Variants in PIEZO2 observed in about 807,000 individuals in gnomAD.
The protein encoded by PIEZO2 is piezo-type mechanosensitive ion channel component 2.
A neutral mutation model predicts 337.3 loss-of-function variants in PIEZO2; 172 were observed. The ratio of observed to expected loss-of-function variants is 0.51; its 90% confidence interval spans 0.45 to 0.58. The LOEUF (loss-of-function observed/expected upper bound fraction) is 0.58. Ranked by LOEUF, PIEZO2 falls within the 20% of genes least tolerant of loss-of-function variation. PIEZO2 has a pLI of 0.00. For missense variants in PIEZO2, 3,028 were observed against 3,391.3 expected (o/e 0.89, Z 2.66); for synonymous variants, 1,251 against 1,228.5 (o/e 1.02, Z -0.38).
Position 10,726,902 on chromosome 18 carries a change from TG to T in PIEZO2, c.5029+4504del. On this transcript the variant is annotated intron_variant, in intron 36 of 55. Coordinates refer to ENST00000674853, the MANE Select transcript of PIEZO2 (RefSeq NM_001378183.1). This position sits in a 1 kb window ranked among gnomAD's most constrained non-coding sequence, Gnocchi z 5.9. ...AAGCACATCATGGCCACCAACCGGC[TG>T]GATGTGGCGGAGCTGGGTCGCCTGC... 2.5e-6 allele frequency: 4 copies of T among 1,587,996 alleles called. No individual in the cohort carries two copies. The South Asian group carries it at 4.6e-5, about 18-fold the overall frequency.
At chr18:10,892,011 T>C (rs2042771853) in intron 4 of PIEZO2, among the ~76,000 whole-genome samples, 1 of 152,134 alleles carries the variant, frequency 6.6e-6, no homozygotes, top group African/African-American at 2.4e-5. Flanking sequence ...TAATGCAGGA[T>C]TGATAGGCAG....
At position 10,847,909 on chromosome 18, in the gene PIEZO2, G is replaced by T. The variant is rs573188905; in HGVS notation, c.917+7444C>A. The stretch of plus-strand genomic sequence containing the variant: ...TGAAGGGAAAGTGGTAGCTTGGTTG[G>T]GTTCATTTGCATTCCTTAGCATTAT... On this transcript the variant is annotated intron_variant, in intron 7 of 55. Coordinates refer to ENST00000674853, the MANE Select transcript of PIEZO2 (RefSeq NM_001378183.1). The surrounding 1 kb of genome is among the most constrained non-coding windows in gnomAD (Gnocchi z 5.7). Among the ~76,000 whole-genome samples, 2 of 152,244 alleles carry T rather than the reference G, an allele frequency of 1.3e-5. No homozygotes were observed. The highest frequency in any genetic ancestry group is 3.9e-4 in the East Asian group (2 of 5,178).
intron 17 of PIEZO2, among the ~76,000 whole-genome samples, chr18:10,780,804 AG>A (rs1347732126): frequency 1.3e-5 from 2 of 151,442 alleles, no homozygotes; most frequent in Non-Finnish European, 2.9e-5. Flanking sequence ...CTGGGATTAC[AG>A]GTGTATGCCA....
At position 10,861,145 on chromosome 18, in the gene PIEZO2, G is replaced by T. The variant is rs575004655; in HGVS notation, c.493-3934C>A. Among the ~76,000 whole-genome samples the T allele has an allele frequency of 7.9e-5, 12 of 152,156 alleles. No homozygotes were observed. Among genetic ancestry groups the T allele is most frequent in the African/African-American group, 2.9e-4 (12 of 41,444 alleles). On this transcript the variant is annotated intron_variant, in intron 5 of 55. Transcript: ENST00000674853. The surrounding 1 kb of genome is among the most constrained non-coding windows in gnomAD (Gnocchi z 4.3). The stretch of plus-strand genomic sequence containing the variant: ...TCTGAAAGAGCATGGACTCACTCTC[G>T]CATGTTTACTAACAGGCAGTCTTGC...
intron 4 of PIEZO2, among the ~76,000 whole-genome samples, chr18:10,875,859 T>A (rs570072399): frequency 1.3e-5 from 2 of 152,324 alleles, no homozygotes; most frequent in East Asian, 3.9e-4. Context: ...AGGGAATAAA[T>A]GAATGTAGTT....
intron 4 of PIEZO2, among the ~76,000 whole-genome samples, chr18:10,891,131 G>A (rs534285221): frequency 9.9e-4 from 151 of 152,142 alleles, no homozygotes; most frequent in African/African-American, 3.5e-3. Flanking sequence ...CCAGGAGTTC[G>A]AGAGCAACAT....
intron 1 of PIEZO2, among the ~76,000 whole-genome samples, chr18:11,074,378 A>G (rs1045426652): frequency 1.3e-5 from 2 of 152,192 alleles, no homozygotes; most frequent in Non-Finnish European, 2.9e-5. Context: ...AAGGAAAAAG[A>G]TTATTTGCTT....
intron 7 of PIEZO2, among the ~76,000 whole-genome samples, chr18:10,809,033 A>G (rs1473013442): frequency 6.6e-6 from 1 of 152,182 alleles, no homozygotes. Context: ...GCTTCATATC[A>G]TATAGACATT....
In PIEZO2 at chr18:10,727,121, C is replaced by T; in HGVS notation, c.5029+4286G>A. 1 of 450,864 alleles carries T rather than the reference C, an allele frequency of 2.2e-6. No homozygotes were observed. Among genetic ancestry groups the T allele is most frequent in the Non-Finnish European group, 3.9e-6 (1 of 259,236 alleles). 27.9% of individuals were successfully genotyped at this position (450,864 alleles called of 1,614,324 possible). On this transcript the variant is annotated intron_variant, in intron 36 of 55. Transcript: ENST00000674853. The surrounding 1 kb of genome is among the most constrained non-coding windows in gnomAD (Gnocchi z 6.3). ...GGGTTTGTGTCCCTTGCTAGCCTCCCTGGGGCCTGGGGATCTGCAGCAGCA... is the reference window on the plus strand; with the variant it reads ...GGGTTTGTGTCCCTTGCTAGCCTCCTTGGGGCCTGGGGATCTGCAGCAGCA...
Position 10,862,587 on chromosome 18 carries a change from T to A in PIEZO2, c.493-5376A>T, listed in dbSNP as rs773078022. ...ACTTTTGGTAGGACACAAACATCCATGTTTCATTACTCCCAAGCACTCTAA... is the reference window on the plus strand; with the variant it reads ...ACTTTTGGTAGGACACAAACATCCAAGTTTCATTACTCCCAAGCACTCTAA... On this transcript the variant is annotated intron_variant, in intron 5 of 55. Coordinates refer to ENST00000674853, the MANE Select transcript of PIEZO2 (RefSeq NM_001378183.1). This position sits in a 1 kb window ranked among gnomAD's most constrained non-coding sequence, Gnocchi z 4.4. Among the ~76,000 whole-genome samples, 7 of 152,180 alleles carry A rather than the reference T, an allele frequency of 4.6e-5. No individual in the cohort carries two copies. The highest frequency in any genetic ancestry group is 1.0e-4 in the Non-Finnish European group (7 of 68,018).
At chr18:11,107,044 A>G (rs2146121730) in intron 1 of PIEZO2, among the ~76,000 whole-genome samples, 1 of 152,274 alleles carries the variant, frequency 6.6e-6, no homozygotes, top group Middle Eastern at 3.4e-3. Flanking sequence ...TGACCCCCCC[A>G]GTGCACTTCT....
intron 2 of PIEZO2, among the ~76,000 whole-genome samples, chr18:10,992,208 G>C (rs191593980): frequency 2.6e-5 from 4 of 152,236 alleles, no homozygotes; most frequent in African/African-American, 7.2e-5. Flanking sequence ...ATAGTTTCTT[G>C]TGCTGTGCAG....
At chr18:10,875,034 A>G (rs1199408810) in intron 4 of PIEZO2, among the ~76,000 whole-genome samples, 1 of 152,206 alleles carries the variant, frequency 6.6e-6, no homozygotes, top group Non-Finnish European at 1.5e-5. Context: ...TGATTTGATC[A>G]CTTTATATTG....
At position 10,724,525 on chromosome 18, in the gene PIEZO2, C is replaced by T. The variant is rs556504090; in HGVS notation, c.5030-6266G>A. 1 of 482,526 alleles carries T rather than the reference C, an allele frequency of 2.1e-6. No individual in the cohort carries two copies. The highest frequency in any genetic ancestry group is 3.7e-6 in the Non-Finnish European group (1 of 271,600). The allele number at this position is 482,526 out of a possible 1,614,324, so 29.9% of individuals were successfully genotyped here. ...CCTGCTGGTCCTCTGGTCACACCCA[C>T]TCATGCTGGTCTCCACATACCCTTC... On this transcript the variant is annotated intron_variant, in intron 36 of 55. Coordinates refer to ENST00000674853, the MANE Select transcript of PIEZO2 (RefSeq NM_001378183.1). This position sits in a 1 kb window ranked among gnomAD's most constrained non-coding sequence, Gnocchi z 5.8.
chr18:10,871,271 C>T lies in PIEZO2; in HGVS notation c.474G>A (p.Glu158=), dbSNP rs369019214. 144 of 1,536,078 alleles carry T rather than the reference C, an allele frequency of 9.4e-5. No homozygotes were observed. Among genetic ancestry groups the T allele is most frequent in the Middle Eastern group, 8.4e-4 (5 of 5,978 alleles). ...GATTTACCAATTCTTCATTTTCAAA[C>T]TCCGGGTTACTCTGTGCTGCTTCGT... ...VTDEAAQSNP[E]FENEELAEGE... The change falls in exon 5 of 56, where the codon GAG becomes GAA. Residue 158 remains glutamate, a synonymous_variant. Coordinates refer to ENST00000674853, the MANE Select transcript of PIEZO2 (RefSeq NM_001378183.1).
chr18:10,913,277 A>G (rs1381128224), intron 3 of PIEZO2, among the ~76,000 whole-genome samples: 4 of 152,160 alleles, frequency 2.6e-5, no homozygotes, highest in Admixed American at 6.5e-5. Context: ...TGGAAGCCAC[A>G]GTGTGTTCAA....
At chr18:11,074,213 C>A (rs1181633076) in intron 1 of PIEZO2, among the ~76,000 whole-genome samples, 1 of 152,110 alleles carries the variant, frequency 6.6e-6, no homozygotes, top group African/African-American at 2.4e-5. Context: ...AAAGCACATT[C>A]ATTCCTTTTC....
intron 3 of PIEZO2, among the ~76,000 whole-genome samples, chr18:10,966,186 C>T (rs2033989836): frequency 6.6e-6 from 1 of 152,198 alleles, no homozygotes; most frequent in Admixed American, 6.5e-5. Flanking sequence ...TAGTCCTTCA[C>T]CAGCTCCTCA....
chr18:10,689,843 G>A, intron 48 of PIEZO2, 41 bp from the exon 49 acceptor site: 1 of 1,571,336 alleles, frequency 6.4e-7, no homozygotes, highest in South Asian at 1.2e-5. Flanking sequence ...ATTCGTGGGT[G>A]GCCCCCACCA....
Sources: allele counts gnomAD v4.1 joint callset (sites outside exome capture counted in the v4.1 genomes callset), GRCh38; gene constraint gnomAD v4.1.1; non-coding constraint Gnocchi (gnomAD v3.1); transcripts MANE v1.5; gene names NCBI Gene and HGNC (gene_info 2026-07-23, HGNC 2026-07-21).